The following LMNB1 variants were observed in gnomAD, a reference collection of about 807,000 sequenced individuals.
LMNB1 encodes the protein lamin B1.
LMNB1 carries 23 observed loss-of-function variants against 67.1 expected under a neutral mutation model. The observed-to-expected ratio is 0.34, with a 90% confidence interval of 0.25 to 0.49. LMNB1 has a LOEUF of 0.49. Ranked by LOEUF, LMNB1 falls within the 20% of genes least tolerant of loss-of-function variation. LMNB1 has a pLI of 0.99. For synonymous variants in LMNB1, 281 were observed against 282.9 expected (o/e 0.99, Z 0.07); for missense variants, 634 against 746.5 (o/e 0.85, Z 1.76).
intron 3 of LMNB1, among the ~76,000 whole-genome samples, chr5:126,807,777 AT>A (rs1398519761): frequency 1.3e-5 from 2 of 152,216 alleles, no homozygotes; most frequent in East Asian, 3.8e-4. Context: ...GTAATTTAAT[AT>A]TTTTAGAGTG....
chr5:126,791,595 C>G (rs1750961182), intron 1 of LMNB1, among the ~76,000 whole-genome samples: 1 of 150,978 alleles, frequency 6.6e-6, no homozygotes, highest in Non-Finnish European at 1.5e-5. Context: ...GTAGTTGGGA[C>G]TACTACTGGA....
At chr5:126,804,713 G>A (rs1283321631) in intron 1 of LMNB1, 63 bp from the exon 2 acceptor site, 4 of 1,431,748 alleles carry the variant, frequency 2.8e-6, no homozygotes, top group African/African-American at 1.4e-5. Context: ...CTTCAGCAGA[G>A]AGGGAGAAGA....
intron 5 of LMNB1, among the ~76,000 whole-genome samples, chr5:126,812,808 G>A (rs1751612272): frequency 7.0e-6 from 1 of 143,080 alleles, no homozygotes; most frequent in African/African-American, 2.7e-5. Context: ...TCGGCTCACT[G>A]TGAGCTCCGC....
intron 1 of LMNB1, among the ~76,000 whole-genome samples, chr5:126,784,760 A>G (rs1580524092): frequency 6.7e-6 from 1 of 150,092 alleles, no homozygotes. Context: ...GGTTCACGCC[A>G]TTCTCCTGCC....
chr5:126,799,231 G>A (rs1190511087), intron 1 of LMNB1, among the ~76,000 whole-genome samples: 1 of 152,176 alleles, frequency 6.6e-6, no homozygotes, highest in Non-Finnish European at 1.5e-5. Context: ...TGTTAGCCAG[G>A]ATGGTCTCGA....
At chr5:126,801,613 G>A (rs932206467) in intron 1 of LMNB1, among the ~76,000 whole-genome samples, 2 of 152,186 alleles carry the variant, frequency 1.3e-5, no homozygotes, top group African/African-American at 2.4e-5. Flanking sequence ...CTATTTGCAT[G>A]TATTACTTAT....
rs562344873 is a variant in LMNB1, at chr5:126,836,575, G to A, written c.*311G>A. On this transcript the variant is annotated 3_prime_UTR_variant, in exon 11 of 11. Coordinates refer to ENST00000261366, the MANE Select transcript of LMNB1 (RefSeq NM_005573.4). ...TTCTTTTTTTTTAAGTTCTTATGAG[G>A]AGGGGAGGGTAAATAAACCACTGTG... 1.2e-4 allele frequency: 42 copies of A among 352,258 alleles called. No individual in the cohort carries two copies. The highest frequency in any genetic ancestry group is 8.0e-4 in the African/African-American group (38 of 47,674). 21.8% of individuals were successfully genotyped at this position (352,258 alleles called of 1,614,324 possible).
intron 1 of LMNB1, among the ~76,000 whole-genome samples, chr5:126,796,104 G>A (rs574967373): frequency 1.2e-4 from 18 of 151,538 alleles, no homozygotes; most frequent in Admixed American, 9.2e-4. Context: ...GGCCAATTTT[G>A]TATTTTTAGT....
At chr5:126,792,998 G>A (rs1364502385) in intron 1 of LMNB1, among the ~76,000 whole-genome samples, 1 of 152,138 alleles carries the variant, frequency 6.6e-6, no homozygotes, top group Non-Finnish European at 1.5e-5. Flanking sequence ...GACCTTCTTT[G>A]GGAGCTTTTA....
In LMNB1 at chr5:126,832,772, G is replaced by A; in HGVS notation, c.1690G>A (p.Val564Ile). ...GGAGGAGGAAGAAGCAGCTGGAGTG[G>A]TTGTTGAGGAAGAACTTTTCCACCA... is the stretch of plus-strand genomic sequence containing the variant. ...EEEEEEAAGV[V>I]VEEELFHQQG... The change falls in exon 10 of 11, where the codon GTT becomes ATT. Residue 564 changes from valine to isoleucine, a missense_variant. Transcript: ENST00000261366. 1 of 1,611,010 alleles carries A rather than the reference G, an allele frequency of 6.2e-7. No individual in the cohort carries two copies. The highest frequency in any genetic ancestry group is 8.5e-7 in the Non-Finnish European group (1 of 1,178,244).
chr5:126,831,968 A>G (rs1020278606), intron 9 of LMNB1, among the ~76,000 whole-genome samples: 9 of 152,062 alleles, frequency 5.9e-5, no homozygotes, highest in Admixed American at 1.3e-4. Flanking sequence ...CCACCCCTTT[A>G]AAAATAATAA....
chr5:126,820,619 G>C (rs540014963), intron 6 of LMNB1, among the ~76,000 whole-genome samples: 2 of 152,006 alleles, frequency 1.3e-5, no homozygotes, highest in Non-Finnish European at 2.9e-5. Flanking sequence ...TCTGCCTCCC[G>C]GGTTCAAGCC....
intron 5 of LMNB1, among the ~76,000 whole-genome samples, chr5:126,814,768 A>C (rs1209867676): frequency 6.6e-6 from 1 of 152,152 alleles, no homozygotes; most frequent in Non-Finnish European, 1.5e-5. Flanking sequence ...CAAACTCCTG[A>C]CTTCAGGTAC....
Position 126,836,818 on chromosome 5 carries a change from C to T in LMNB1, c.*554C>T, listed in dbSNP as rs1299094834. 3 of 299,302 alleles carry T rather than the reference C, an allele frequency of 1.0e-5. No homozygotes were observed. Among genetic ancestry groups the T allele is most frequent in the Non-Finnish European group, 1.8e-5 (3 of 169,288 alleles). The allele number at this position is 299,302 out of a possible 1,614,324, so 18.5% of individuals were successfully genotyped here. The stretch of plus-strand genomic sequence containing the variant: ...TATTAACCTAATCACCATGTAAGCA[C>T]TCTGGATGATGGATTCCACAAAACT... On this transcript the variant is annotated 3_prime_UTR_variant, in exon 11 of 11. Coordinates refer to ENST00000261366, the MANE Select transcript of LMNB1 (RefSeq NM_005573.4).
intron 8 of LMNB1, among the ~76,000 whole-genome samples, chr5:126,824,977 T>C (rs972897577): frequency 2.0e-5 from 3 of 152,100 alleles, no homozygotes; most frequent in Non-Finnish European, 4.4e-5. Context: ...CTGGAGCCAC[T>C]ACACCTGGCC....
intron 1 of LMNB1, among the ~76,000 whole-genome samples, chr5:126,802,677 G>A (rs1262625500): frequency 2.0e-5 from 3 of 152,036 alleles, no homozygotes; most frequent in African/African-American, 7.2e-5. Flanking sequence ...CTGACCTCAG[G>A]TGATCCACTT....
chr5:126,820,101 C>T (rs1354651608), intron 6 of LMNB1, among the ~76,000 whole-genome samples: 1 of 151,852 alleles, frequency 6.6e-6, no homozygotes, highest in South Asian at 2.1e-4. Context: ...AAGATTGTGC[C>T]ATTGCACTCC....
chr5:126,811,572 C>T, intron 4 of LMNB1: 1 of 397,966 alleles, frequency 2.5e-6, no homozygotes. Flanking sequence ...ATTCTTAAAG[C>T]TCATTATTTA....
intron 5 of LMNB1, among the ~76,000 whole-genome samples, chr5:126,818,539 C>T (rs905852607): frequency 6.6e-6 from 1 of 152,102 alleles, no homozygotes; most frequent in African/African-American, 2.4e-5. Context: ...ACCACACCCA[C>T]CCAGTGTTCT....
Sources: allele counts gnomAD v4.1 joint callset (sites outside exome capture counted in the v4.1 genomes callset), GRCh38; gene constraint gnomAD v4.1.1; transcripts MANE v1.5; gene names NCBI Gene and HGNC (gene_info 2026-07-23, HGNC 2026-07-21).